NUP133: variants seen among roughly 807,000 people sequenced by gnomAD.
NUP133 encodes nucleoporin 133.
A neutral mutation model predicts 146.2 loss-of-function variants in NUP133; 66 were observed. That is an observed-to-expected ratio of 0.45 (90% CI 0.37 to 0.55). The LOEUF (loss-of-function observed/expected upper bound fraction) is 0.55. NUP133 is among the 20% of genes least tolerant of loss of function. The pLI is 0.00. For synonymous variants in NUP133, 521 were observed against 498.8 expected, an observed-to-expected ratio of 1.04 and a Z score of -0.59; for missense variants, 1,277 against 1,374.8, an observed-to-expected ratio of 0.93 and a Z score of 1.12.
At position 229,441,976 on chromosome 1, in the gene NUP133, G is replaced by A. The variant is rs78252648; in HGVS notation, c.3399C>T (p.Ser1133=). 102 of 1,592,624 alleles carry A rather than the reference G, an allele frequency of 6.4e-5. No homozygotes were observed. The Admixed American group carries it at 1.3e-3, about 20-fold the overall frequency. ...ACTCGAAGTAAGGATTGGACTTTAA[G>A]CTTCCAAGCTGATCCGCTTGTAGCA... The part of the protein sequence containing the change: ...KDLLQADQLG[S]LKSNPYFEFV... Residue 1133 remains serine, a synonymous_variant, in exon 26 of 26, where the codon AGC becomes AGT. Transcript: ENST00000261396.
intron 13 of NUP133, among the ~76,000 whole-genome samples, chr1:229,477,229 G>A (rs944952196): frequency 1.3e-4 from 20 of 152,020 alleles, no homozygotes; most frequent in African/African-American, 3.4e-4. Context: ...CACGAGGTCA[G>A]GAGATCAAGA....
At chr1:229,494,866 A>C (rs1661614403) in intron 8 of NUP133, among the ~76,000 whole-genome samples, 1 of 152,242 alleles carries the variant, frequency 6.6e-6, no homozygotes, top group Non-Finnish European at 1.5e-5. Context: ...AGCATGGGGC[A>C]GCCACAGCAG....
chr1:229,462,034 C>G (rs967658072), intron 19 of NUP133, among the ~76,000 whole-genome samples: 4 of 152,170 alleles, frequency 2.6e-5, no homozygotes, highest in Non-Finnish European at 5.9e-5. Context: ...CAGGCACACG[C>G]CACCATGACT....
At position 229,463,747 on chromosome 1, in the gene NUP133, T is replaced by C. The variant is rs181470333; in HGVS notation, c.2552-71A>G. 2.3e-4 allele frequency: 333 copies of C among 1,451,766 alleles called. No individual in the cohort carries two copies. The African/African-American group carries it at 4.3e-3, about 19-fold the overall frequency. The allele number at this position is 1,451,766 out of a possible 1,614,324, so 89.9% of individuals were successfully genotyped here. ...TAAAATCTGTAATAAAAAATGTTAC[T>C]TGAAATTTTATCTTTATTCCTATTA... On this transcript the variant is annotated intron_variant, in intron 18 of 25. Coordinates refer to ENST00000261396, the MANE Select transcript of NUP133 (RefSeq NM_018230.3).
At position 229,477,685 on chromosome 1, in the gene NUP133, T is replaced by A. The variant is rs1661110707; in HGVS notation, c.1668A>T (p.Glu556Asp). ...SSHSDLDSDS[E>D]LDRAVTQISV... ...TGATTTGGGTAACTGCCCTGTCTAG[T>A]TCAGAATCAGAATCCAAATCAGAGT... The change falls in exon 13 of 26, where the codon GAA becomes GAT. Residue 556 changes from glutamate (E) to aspartate (D), a missense_variant. By Grantham distance (45) the Glu-to-Asp change is conservative (BLOSUM62 2). This residue lies in a region of NUP133 where 952 missense variants were observed against 1,047.0 expected (regional missense o/e 0.91). Coordinates refer to ENST00000261396, the MANE Select transcript of NUP133 (RefSeq NM_018230.3). 1 of 1,613,854 alleles carries A rather than the reference T, an allele frequency of 6.2e-7. No individual in the cohort carries two copies. Among genetic ancestry groups the A allele is most frequent in the Non-Finnish European group, 8.5e-7 (1 of 1,179,950 alleles).
In NUP133 at chr1:229,495,935, T is replaced by G; in HGVS notation, c.932A>C (p.Asp311Ala). Residue 311 changes from aspartate to alanine, a missense_variant, in exon 7 of 26, where the codon GAT (aspartate) becomes GCT (alanine). Asp to Ala is a moderately radical substitution (Grantham distance 126, BLOSUM62 -2). Transcript: ENST00000261396. ...GTTTTCCTTCAGGGCTCTATTTATA[T>G]CCCAACTGTATGCATGCTTTTCTGA... ...DSSEKHAYSW[D>A]INRALKENIT... 1 of 1,610,552 alleles carries G rather than the reference T, an allele frequency of 6.2e-7. No individual in the cohort carries two copies. The highest frequency in any genetic ancestry group is 8.5e-7 in the Non-Finnish European group (1 of 1,178,828).
At chr1:229,495,857 C>A in intron 7 of NUP133, 35 bp downstream of exon 7, 1 of 1,505,302 alleles carries the variant, frequency 6.6e-7, no homozygotes, top group South Asian at 1.3e-5. Flanking sequence ...CAACCATAAA[C>A]ATGAATTACA....
chr1:229,447,332 G>A (rs1660323302), intron 24 of NUP133, among the ~76,000 whole-genome samples: 1 of 152,032 alleles, frequency 6.6e-6, no homozygotes, highest in Non-Finnish European at 1.5e-5. Context: ...GTTACAATAT[G>A]GTTAGAAGGT....
rs1463834544 is a variant in NUP133, at chr1:229,487,508, T to C, written c.1300A>G (p.Lys434Glu). ...AVYVCSTGTG[K>E]FSLPQEKIVF... is the part of the protein sequence containing the mutation. ...ATTTTCTCCTGGGGAAGAGAAAATT[T>C]CCCAGTTCCTGTGGAGCACACATAG... Residue 434 changes from lysine to glutamate, a missense_variant, in exon 10 of 26, where the codon AAA becomes GAA. Coordinates refer to ENST00000261396, the MANE Select transcript of NUP133 (RefSeq NM_018230.3). The C allele has an allele frequency of 1.2e-6, 2 of 1,613,702 alleles. No individual in the cohort carries two copies. The highest frequency in any genetic ancestry group is 1.7e-6 in the Non-Finnish European group (2 of 1,179,926).
intron 6 of NUP133, among the ~76,000 whole-genome samples, chr1:229,496,263 T>C (rs1215950408): frequency 6.6e-6 from 1 of 151,936 alleles, no homozygotes. Flanking sequence ...TGCCTGAGCT[T>C]AGGAGTTCAA....
intron 21 of NUP133, among the ~76,000 whole-genome samples, chr1:229,457,785 T>A (rs553893338): frequency 6.6e-6 from 1 of 152,216 alleles, no homozygotes; most frequent in Non-Finnish European, 1.5e-5. Flanking sequence ...ATCTACAATA[T>A]ACACAAAATA....
chr1:229,441,412 CATA>C lies in NUP133; in HGVS notation c.*489_*491del, dbSNP rs1374392198. ...CCCACTCTCCTTTGGTTTTTCATCTCATAATAAGTCAGCAAAAGTTGACATTTA... is the reference window on the plus strand; with the variant it reads ...CCCACTCTCCTTTGGTTTTTCATCTCATAAGTCAGCAAAAGTTGACATTTA... On this transcript the variant is annotated 3_prime_UTR_variant, in exon 26 of 26. Transcript: ENST00000261396. 12 of 532,304 alleles carry C rather than the reference CATA, an allele frequency of 2.3e-5. No homozygotes were observed. Among genetic ancestry groups the C allele is most frequent in the African/African-American group, 1.5e-4 (8 of 51,956 alleles). The allele number at this position is 532,304 out of a possible 1,614,324, so 33.0% of individuals were successfully genotyped here.
At chr1:229,505,649 G>A (rs151191827) in intron 2 of NUP133, among the ~76,000 whole-genome samples, 3,507 of 151,528 alleles carry the variant, frequency 0.023, 76 homozygotes, top group East Asian at 0.075. Context: ...CACTTTGGGA[G>A]GCCAAGGAGG....
chr1:229,485,350 G>C (rs1661322295), intron 11 of NUP133, among the ~76,000 whole-genome samples: 1 of 152,336 alleles, frequency 6.6e-6, no homozygotes, highest in African/African-American at 2.4e-5. Flanking sequence ...CAGCTGTGCA[G>C]ATGGAAGGTT....
intron 8 of NUP133, among the ~76,000 whole-genome samples, chr1:229,493,634 A>C (rs376596528): frequency 5.9e-5 from 9 of 152,346 alleles, no homozygotes; most frequent in East Asian, 5.8e-4. Flanking sequence ...ATGAGGCCTC[A>C]AGAACATAAT....
At chr1:229,506,375 T>C (rs1169741559) in intron 1 of NUP133, among the ~76,000 whole-genome samples, 3 of 150,856 alleles carry the variant, frequency 2.0e-5, no homozygotes, top group Non-Finnish European at 4.4e-5. Context: ...AGTATTGAAA[T>C]GCATGCCTGT....
intron 2 of NUP133, among the ~76,000 whole-genome samples, chr1:229,504,242 G>A (rs569637284): frequency 4.0e-5 from 6 of 151,886 alleles, no homozygotes; most frequent in Admixed American, 6.6e-5. Flanking sequence ...TAAGTAAAAC[G>A]AACAAAATTT....
At chr1:229,481,603 G>A (rs1393375339) in intron 12 of NUP133, among the ~76,000 whole-genome samples, 1 of 151,376 alleles carries the variant, frequency 6.6e-6, no homozygotes, top group Non-Finnish European at 1.5e-5. Context: ...GGAGGCTGAG[G>A]CAGAAGAATT....
At chr1:229,450,649 A>T in intron 22 of NUP133, 44 bp from the exon 23 acceptor site, 1 of 940,714 alleles carries the variant, frequency 1.1e-6, no homozygotes, top group Non-Finnish European at 1.6e-6. Context: ...CAATCATGTA[A>T]CTAATACTAG....
Sources: allele counts gnomAD v4.1 joint callset (sites outside exome capture counted in the v4.1 genomes callset), GRCh38; gene constraint gnomAD v4.1.1; regional missense constraint gnomAD v4.1.1; transcripts MANE v1.5; gene names NCBI Gene and HGNC (gene_info 2026-07-23, HGNC 2026-07-21).